The following RANBP2 variants were observed in gnomAD, a reference collection of about 807,000 sequenced individuals.
The protein encoded by RANBP2 is RAN binding protein 2.
RANBP2 carries 57 observed loss-of-function variants against 303.6 expected under a neutral mutation model. The observed-to-expected ratio is 0.19, with a 90% CI of 0.15 to 0.23. The LOEUF (loss-of-function observed/expected upper bound fraction) is 0.23. Ranked by LOEUF, RANBP2 falls within the 10% of genes least tolerant of loss-of-function variation. The pLI, the probability that RANBP2 is intolerant of heterozygous loss-of-function variation, is 1.00. For missense variants in RANBP2, 3,138 were observed against 3,780.8 expected, an observed-to-expected ratio of 0.83 and a Z score of 4.46; for synonymous variants, 1,167 against 1,301.5, an observed-to-expected ratio of 0.90 and a Z score of 2.23.
At chr2:109,056,271 GTCC>G in the RANBP2 span, among the ~76,000 whole-genome samples, 7 of 152,124 alleles carry the variant, frequency 4.6e-5, no homozygotes, top group African/African-American at 1.4e-4. Context: ...AGCCAAAGTG[GTCC>G]TCCTGCCTCA....
At chr2:109,526,279 C>A in the RANBP2 span, among the ~76,000 whole-genome samples, 1 of 152,140 alleles carries the variant, frequency 6.6e-6, no homozygotes, top group South Asian at 2.1e-4. Context: ...GGCAAGGCAC[C>A]AGCCTCTCTG....
the RANBP2 span, among the ~76,000 whole-genome samples, chr2:109,291,430 C>T: frequency 1.3e-5 from 2 of 152,316 alleles, no homozygotes; most frequent in South Asian, 4.1e-4. Flanking sequence ...GCAATCTCGC[C>T]TGGCTGCCGT....
chr2:108,952,654 G>A, the RANBP2 span, among the ~76,000 whole-genome samples: 2 of 152,132 alleles, frequency 1.3e-5, no homozygotes, highest in African/African-American at 4.8e-5. Context: ...ATATTAATAT[G>A]AGTTATTCTA....
chr2:109,027,242 C>CAAAAA, the RANBP2 span, among the ~76,000 whole-genome samples: 1 of 81,512 alleles, frequency 1.2e-5, no homozygotes, highest in Non-Finnish European at 2.3e-5. Context: ...GGCTCTGTCT[C>CAAAAA]AAAAAAAAAA....
At chr2:109,416,470 C>T in the RANBP2 span, among the ~76,000 whole-genome samples, 1 of 152,248 alleles carries the variant, frequency 6.6e-6, no homozygotes, top group East Asian at 1.9e-4. Context: ...CTGCAACTTC[C>T]GCCTCCTGGG....
chr2:109,397,662 C>G, the RANBP2 span, among the ~76,000 whole-genome samples: 1 of 152,200 alleles, frequency 6.6e-6, no homozygotes, highest in Non-Finnish European at 1.5e-5. Flanking sequence ...GGAGCCTTTT[C>G]TCACAGCTGG....
the RANBP2 span, among the ~76,000 whole-genome samples, chr2:108,997,440 CAAAAA>C: frequency 2.0e-5 from 1 of 49,954 alleles, no homozygotes; most frequent in African/African-American, 9.6e-5. Context: ...GACTCTGTCT[CAAAAA>C]AAAAAAAAAA....
chr2:109,595,966 T>C, the RANBP2 span, among the ~76,000 whole-genome samples: 235 of 152,368 alleles, frequency 1.5e-3, 1 homozygote, highest in South Asian at 0.019. Flanking sequence ...CTATAAGTGA[T>C]GCACAACACA....
At chr2:109,467,204 A>G in the RANBP2 span, among the ~76,000 whole-genome samples, 1 of 152,266 alleles carries the variant, frequency 6.6e-6, no homozygotes, top group Non-Finnish European at 1.5e-5. Flanking sequence ...TAGCAGCTTT[A>G]TTTGTGACAG....
the RANBP2 span, among the ~76,000 whole-genome samples, chr2:108,968,437 C>A: frequency 6.6e-6 from 1 of 152,090 alleles, no homozygotes; most frequent in African/African-American, 2.4e-5. Flanking sequence ...ATTTTCTGTT[C>A]ATTATGGGGA....
the RANBP2 span, among the ~76,000 whole-genome samples, chr2:108,909,647 G>A: frequency 6.6e-6 from 1 of 152,234 alleles, no homozygotes. Flanking sequence ...GCCTGGCTGG[G>A]AGCTGATGCT....
chr2:109,124,024 T>C, the RANBP2 span, among the ~76,000 whole-genome samples: 24 of 146,142 alleles, frequency 1.6e-4, no homozygotes, highest in African/African-American at 6.2e-4. Flanking sequence ...TTATTTATTA[T>C]TTTTTTGACA....
chr2:109,037,623 G>C, the RANBP2 span, among the ~76,000 whole-genome samples: 1 of 152,052 alleles, frequency 6.6e-6, no homozygotes, highest in African/African-American at 2.4e-5. Context: ...GGGTACAATA[G>C]CAATACAGAA....
chr2:109,630,948 C>A, the RANBP2 span, among the ~76,000 whole-genome samples: 1 of 152,152 alleles, frequency 6.6e-6, no homozygotes, highest in Non-Finnish European at 1.5e-5. Context: ...CACCTCTAAT[C>A]CCAGCTACTC....
chr2:109,361,304 G>C, the RANBP2 span, among the ~76,000 whole-genome samples: 1 of 152,152 alleles, frequency 6.6e-6, no homozygotes, highest in Non-Finnish European at 1.5e-5. Context: ...GGCTTTGTCT[G>C]CTTTGGTATT....
At chr2:108,754,687 G>T (rs1676158357) in intron 15 of RANBP2, among the ~76,000 whole-genome samples, 1 of 151,050 alleles carries the variant, frequency 6.6e-6, no homozygotes, top group African/African-American at 2.4e-5. Flanking sequence ...CTGTGTTCAT[G>T]AAGAAAAAAA....
the RANBP2 span, among the ~76,000 whole-genome samples, chr2:109,760,643 T>C: frequency 0.5 from 68,500 of 136,678 alleles, 18,967 homozygotes; most frequent in Non-Finnish European, 0.63. Context: ...GCGGCGCCTT[T>C]CGTCGCAGCG....
chr2:108,771,705 AGAG>A lies in RANBP2; in HGVS notation c.7855_7857del (p.Glu2619del), dbSNP rs1677506841. The A allele has an allele frequency of 2.5e-6, 4 of 1,612,472 alleles. No individual in the cohort carries two copies. Among genetic ancestry groups the A allele is most frequent in the Non-Finnish European group, 3.4e-6 (4 of 1,179,874 alleles). On this transcript the variant is annotated inframe_deletion, in exon 21 of 29. Transcript: ENST00000283195. The stretch of plus-strand genomic sequence containing the variant: ...TTTTTTTGACTGGTGTTACAGCAAA[AGAG>A]AAGAAAAAACCTGAAGATTCTCCCT...
the RANBP2 span, among the ~76,000 whole-genome samples, chr2:109,647,203 C>T: frequency 3.2e-5 from 4 of 125,678 alleles, no homozygotes; most frequent in East Asian, 2.8e-4. Flanking sequence ...CTCGCTCTGT[C>T]GTCAGGCTGG....
Sources: allele counts gnomAD v4.1 joint callset (sites outside exome capture counted in the v4.1 genomes callset), GRCh38; gene constraint gnomAD v4.1.1; transcripts MANE v1.5; gene names NCBI Gene and HGNC (gene_info 2026-07-23, HGNC 2026-07-21).